The following RBFOX3 variants were observed in gnomAD, a reference collection of about 807,000 sequenced individuals.
RBFOX3 encodes RNA binding protein fox-1 homolog 3.
Under a neutral mutation model 48.7 loss-of-function variants are expected in RBFOX3, and 17 were observed. The ratio of observed to expected loss-of-function variants is 0.35; its 90% CI spans 0.24 to 0.52. RBFOX3 has a LOEUF of 0.52. RBFOX3 is among the 20% of genes least tolerant of loss of function. The probability of loss-of-function intolerance (pLI) is 0.94; values close to 1 mark genes in which losing one functional copy is unlikely to be tolerated. For missense variants in RBFOX3, 382 were observed against 497.5 expected (o/e 0.77, Z 2.21); for synonymous variants, 212 against 209.5 (o/e 1.01, Z -0.10).
At chr17:79,419,016 C>A (rs1398053122) in intron 2 of RBFOX3, among the ~76,000 whole-genome samples, 1 of 152,180 alleles carries the variant, frequency 6.6e-6, no homozygotes, top group Non-Finnish European at 1.5e-5. Context: ...GGGACCGTAT[C>A]GTCCAAGCTC....
rs937037500 is a variant in RBFOX3, at chr17:79,097,786, A to C, written c.569-41T>G. 26 of 1,544,490 alleles carry C rather than the reference A, an allele frequency of 1.7e-5. No individual in the cohort carries two copies. In the African/African-American group the frequency reaches 3.6e-4, roughly 21 times the overall value. Reference sequence around the variant, plus strand: ...AGAGACCTAGTCACTGCCTTCCCCGACCCTTTTCCCACCAAAACGTATGCC... The same window carrying C: ...AGAGACCTAGTCACTGCCTTCCCCGCCCCTTTTCCCACCAAAACGTATGCC... On this transcript the variant is annotated intron_variant, in intron 9 of 14. Coordinates refer to ENST00000693108, the MANE Select transcript of RBFOX3 (RefSeq NM_001350451.2).
At chr17:79,417,405 A>G (rs1025234585) in intron 2 of RBFOX3, among the ~76,000 whole-genome samples, 1 of 152,134 alleles carries the variant, frequency 6.6e-6, no homozygotes, top group Non-Finnish European at 1.5e-5. Flanking sequence ...CCTTCCAGAG[A>G]GCACCAGCGG....
At chr17:79,096,429 C>T (rs910519717) in intron 12 of RBFOX3, among the ~76,000 whole-genome samples, 14 of 152,184 alleles carry the variant, frequency 9.2e-5, no homozygotes, top group Non-Finnish European at 1.5e-5. Context: ...TGCTGGGCGG[C>T]CCATTAACTG....
intron 4 of RBFOX3, among the ~76,000 whole-genome samples, chr17:79,117,139 C>T (rs575796605): frequency 1.8e-3 from 277 of 152,342 alleles, no homozygotes; most frequent in Middle Eastern, 0.01. Context: ...AGCCTGGGGC[C>T]CAGGACCCCC....
chr17:79,591,921 G>T (rs1220686952), intron 1 of RBFOX3, among the ~76,000 whole-genome samples: 1 of 151,712 alleles, frequency 6.6e-6, no homozygotes, highest in Non-Finnish European at 1.5e-5. Flanking sequence ...TGTGTGGAGG[G>T]TGTGTGGAGG....
At chr17:79,368,296 G>GAC (rs10681573) in intron 2 of RBFOX3, among the ~76,000 whole-genome samples, 38 of 151,966 alleles carry the variant, frequency 2.5e-4, no homozygotes, top group Middle Eastern at 6.8e-3. Flanking sequence ...AGCAGCTGAG[G>GAC]AGAGACCTCC....
intron 2 of RBFOX3, among the ~76,000 whole-genome samples, chr17:79,445,685 T>C (rs957868525): frequency 1.2e-4 from 19 of 152,204 alleles, no homozygotes; most frequent in African/African-American, 4.3e-4. Flanking sequence ...GAGTCCAAGA[T>C]GGGGCATTCC....
chr17:79,507,365 CTT>C lies in RBFOX3; in HGVS notation c.-319-24769_-319-24768del, dbSNP rs1317386294. ...GTATAGGCCTAAGCAGGGCCCGAGACTTATAATTCTGAGGTTGGAGGGCCTAA... is the reference window on the plus strand; with the variant it reads ...GTATAGGCCTAAGCAGGGCCCGAGACATAATTCTGAGGTTGGAGGGCCTAA... On this transcript the variant is annotated intron_variant, in intron 1 of 14. Coordinates refer to ENST00000693108, the MANE Select transcript of RBFOX3 (RefSeq NM_001350451.2). Among the ~76,000 whole-genome samples, 81 of 152,274 alleles carry C rather than the reference CTT, an allele frequency of 5.3e-4. No homozygotes were observed. In the South Asian group the frequency reaches 0.016, roughly 30 times the overall value.
intron 1 of RBFOX3, among the ~76,000 whole-genome samples, chr17:79,555,387 G>A (rs1201534066): frequency 1.1e-4 from 13 of 122,924 alleles, no homozygotes; most frequent in African/African-American, 4.9e-4. Flanking sequence ...TTGTGGTGGT[G>A]GTGATGGTGG....
intron 4 of RBFOX3, among the ~76,000 whole-genome samples, chr17:79,172,038 G>C (rs1432153439): frequency 1.3e-5 from 2 of 151,846 alleles, no homozygotes; most frequent in East Asian, 3.9e-4. Flanking sequence ...GCCAGGGGTG[G>C]TGGTGCACGC....
At chr17:79,315,747 C>T (rs535936790) in intron 2 of RBFOX3, among the ~76,000 whole-genome samples, 6 of 152,364 alleles carry the variant, frequency 3.9e-5, no homozygotes, top group East Asian at 1.9e-4. Flanking sequence ...CCGCCCGTGC[C>T]GCCACCCTGG....
At position 79,314,888 on chromosome 17, in the gene RBFOX3, CTTTG is replaced by C. The variant is rs1204156958; in HGVS notation, c.-174-7068_-174-7065del. ...CTGGGTGTGCTGGAGGGGACTTGGA[CTTTG>C]TCTGTGATCCTTCCTTTTTTTTTTT... On this transcript the variant is annotated intron_variant, in intron 2 of 14. Transcript: ENST00000693108. Among the ~76,000 whole-genome samples, 5 of 11,500 alleles carry C rather than the reference CTTTG, an allele frequency of 4.3e-4. No homozygotes were observed. In the Non-Finnish European group the frequency reaches 9.9e-3, roughly 23 times the overall value. 7.5% of individuals were successfully genotyped at this position (11,500 alleles called of 152,430 possible).
chr17:79,102,170 G>A (rs2146496691), intron 8 of RBFOX3, among the ~76,000 whole-genome samples: 1 of 152,342 alleles, frequency 6.6e-6, no homozygotes, highest in African/African-American at 2.4e-5. Flanking sequence ...AGGCCGACAG[G>A]GAGGGGGGCT....
intron 2 of RBFOX3, among the ~76,000 whole-genome samples, chr17:79,389,993 AGG>A (rs2061141573): frequency 6.7e-5 from 1 of 14,966 alleles, no homozygotes; most frequent in African/African-American, 5.2e-4. Flanking sequence ...CGCAGCCTCC[AGG>A]TCTCCGCAGC....
rs549080122 is a variant in RBFOX3, at chr17:79,214,082, G to T, written c.-34+21684C>A. Among the ~76,000 whole-genome samples the T allele has an allele frequency of 6.6e-6, 1 of 152,276 alleles. No individual in the cohort carries two copies. Among genetic ancestry groups the T allele is most frequent in the Admixed American group, 6.5e-5 (1 of 15,302 alleles). On this transcript the variant is annotated intron_variant, in intron 4 of 14. Transcript: ENST00000693108. The surrounding 1 kb of genome is among the most constrained non-coding windows in gnomAD (Gnocchi z 4.7). Reference sequence around the variant, plus strand: ...GCCAACCCTCGCATGGCGCCGCCCAGCTCTGGTAGGAGGGACTGAAATAAA... The same window carrying T: ...GCCAACCCTCGCATGGCGCCGCCCATCTCTGGTAGGAGGGACTGAAATAAA...
intron 2 of RBFOX3, among the ~76,000 whole-genome samples, chr17:79,387,539 C>T (rs537893779): frequency 1.3e-3 from 192 of 152,356 alleles, no homozygotes; most frequent in Middle Eastern, 0.01. Flanking sequence ...GCTGGTACCG[C>T]CCGCATGGGC....
intron 4 of RBFOX3, among the ~76,000 whole-genome samples, chr17:79,181,710 C>T (rs147061706): frequency 7.8e-4 from 119 of 152,346 alleles, no homozygotes; most frequent in African/African-American, 2.8e-3. Context: ...CTGACCATCA[C>T]ACAGTTCCCC....
At chr17:79,646,260 C>T in the RBFOX3 span, among the ~76,000 whole-genome samples, 14 of 152,290 alleles carry the variant, frequency 9.2e-5, 1 homozygote, top group Admixed American at 7.8e-4. Flanking sequence ...TGCAATGTCC[C>T]AGGTATTGTT....
chr17:79,627,430 C>T, the RBFOX3 span, among the ~76,000 whole-genome samples: 1 of 152,202 alleles, frequency 6.6e-6, no homozygotes, highest in Non-Finnish European at 1.5e-5. Flanking sequence ...GAGCCGGGCT[C>T]AGCTCTGCCT....
Sources: gnomAD v4.1 joint callset for allele counts (sites outside exome capture counted in the v4.1 genomes callset) on GRCh38, gnomAD v4.1.1 for gene constraint, Gnocchi (gnomAD v3.1) non-coding constraint, MANE v1.5 for transcripts, NCBI Gene and HGNC (gene_info 2026-07-23, HGNC 2026-07-21) for gene names.